The following SIAH2 variants were observed in gnomAD, a reference collection of about 807,000 sequenced individuals.
SIAH2 encodes the protein E3 ubiquitin-protein ligase SIAH2.
In SIAH2, 4 loss-of-function variants were observed where a neutral mutation model predicts 20.4. That is an observed-to-expected ratio of 0.20 (90% CI 0.10 to 0.45). The LOEUF is 0.45. Among genes scored for constraint, SIAH2 ranks in the 20% least tolerant of loss-of-function variants. The pLI, the probability that SIAH2 is intolerant of heterozygous loss-of-function variation, is 0.99. For synonymous variants in SIAH2, 171 were observed against 192.5 expected, an observed-to-expected ratio of 0.89 and a Z score of 0.93; for missense variants, 259 against 440.3, an observed-to-expected ratio of 0.59 and a Z score of 3.69.
intron 1 of SIAH2, among the ~76,000 whole-genome samples, chr3:150,753,011 A>G (rs565134185): frequency 1.6e-4 from 24 of 152,352 alleles, no homozygotes; most frequent in African/African-American, 5.5e-4. Flanking sequence ...ATCCTTCACA[A>G]GCAACTTTGC....
chr3:150,749,606 G>A (rs1255852237), intron 1 of SIAH2, among the ~76,000 whole-genome samples: 1 of 152,166 alleles, frequency 6.6e-6, no homozygotes, highest in African/African-American at 2.4e-5. Context: ...TTGGTTGAAT[G>A]AATTAAGTTT....
intron 1 of SIAH2, among the ~76,000 whole-genome samples, chr3:150,753,320 G>A (rs1312327720): frequency 7.9e-5 from 12 of 152,246 alleles, no homozygotes; most frequent in Non-Finnish European, 1.0e-4. Flanking sequence ...TGAGTATGAT[G>A]TAAAGTTGGT....
chr3:150,751,011 A>T (rs1162318866), intron 1 of SIAH2, among the ~76,000 whole-genome samples: 1 of 152,166 alleles, frequency 6.6e-6, no homozygotes, highest in Non-Finnish European at 1.5e-5. Flanking sequence ...GAGAAAGTGA[A>T]ATCTGTTCTT....
chr3:150,760,725 G>A, intron 1 of SIAH2, among the ~76,000 whole-genome samples: 1 of 152,230 alleles, frequency 6.6e-6, no homozygotes, highest in Non-Finnish European at 1.5e-5. Context: ...TTAAGGGAAA[G>A]TAAAGGGGTG....
At chr3:150,747,491 G>A (rs536323245) in intron 1 of SIAH2, among the ~76,000 whole-genome samples, 2 of 152,338 alleles carry the variant, frequency 1.3e-5, no homozygotes, top group South Asian at 4.1e-4. Context: ...GGGCTGGTTC[G>A]CAGAGGGCTG....
chr3:150,742,294 C>T lies in SIAH2; in HGVS notation c.822G>A (p.Leu274=). The change falls in exon 2 of 2, where the codon TTG becomes TTA. Residue 274 remains leucine (L), a synonymous_variant. Transcript: ENST00000312960. The surrounding 1 kb of genome is among the most constrained non-coding windows in gnomAD (Gnocchi z 4.8). ...TCGAACGGGGCGTGGCCTCCCAGGT[C>T]AATCTCCGCCGGTTCCCATTCAACT... The part of the protein sequence containing the change: ...RLELNGNRRR[L]TWEATPRSIH... 1 of 1,614,192 alleles carries T rather than the reference C, an allele frequency of 6.2e-7. No homozygotes were observed. Among genetic ancestry groups the T allele is most frequent in the Non-Finnish European group, 8.5e-7 (1 of 1,180,026 alleles).
At chr3:150,760,577 TC>T (rs1477426053) in intron 1 of SIAH2, among the ~76,000 whole-genome samples, 5 of 152,244 alleles carry the variant, frequency 3.3e-5, no homozygotes, top group African/African-American at 4.8e-5. Context: ...ACTGTTTCCT[TC>T]CCTTTCTCTT....
chr3:150,746,450 C>T (rs1714214798), intron 1 of SIAH2, among the ~76,000 whole-genome samples: 1 of 152,024 alleles, frequency 6.6e-6, no homozygotes, highest in Non-Finnish European at 1.5e-5. Context: ...AGGTGAGGGA[C>T]CTTCCTGACA....
chr3:150,746,270 C>T lies in SIAH2; in HGVS notation c.418-3572G>A, dbSNP rs1293085345. On this transcript the variant is annotated intron_variant, in intron 1 of 1. Coordinates refer to ENST00000312960, the MANE Select transcript of SIAH2 (RefSeq NM_005067.7). ...AATTAGCTGGGTGTGGTGGCATGCA[C>T]CTGTAATCCCAGCTACTAGGAAGGC... 2.0e-5 allele frequency among the ~76,000 whole-genome samples: 3 copies of T among 152,042 alleles called. No homozygotes were observed. The East Asian group carries it at 5.8e-4, about 29-fold the overall frequency.
chr3:150,755,636 GCCTC>G (rs1714471253), intron 1 of SIAH2, among the ~76,000 whole-genome samples: 2 of 152,096 alleles, frequency 1.3e-5, no homozygotes, highest in South Asian at 2.1e-4. Context: ...CTGCCTCTCA[GCCTC>G]CCAAGTAGCT....
intron 1 of SIAH2, among the ~76,000 whole-genome samples, chr3:150,758,096 G>C (rs915298007): frequency 8.5e-5 from 13 of 152,316 alleles, no homozygotes; most frequent in Middle Eastern, 3.4e-3. Flanking sequence ...CACTGAACTA[G>C]ATGAGGCCAA....
intron 1 of SIAH2, among the ~76,000 whole-genome samples, chr3:150,747,490 C>T (rs1167559384): frequency 6.6e-5 from 10 of 152,202 alleles, no homozygotes; most frequent in African/African-American, 9.7e-5. Context: ...TGGGCTGGTT[C>T]GCAGAGGGCT....
In SIAH2 at chr3:150,762,352, C is replaced by A; in HGVS notation, c.417+81G>T. On this transcript the variant is annotated intron_variant, in intron 1 of 1. Transcript: ENST00000312960. The surrounding 1 kb of genome is among the most constrained non-coding windows in gnomAD (Gnocchi z 6.6). ...TTTAAATGAGAGATGCCGCCCGCCT[C>A]TCCGGGCCTGCGAGTGGGCTGGCGG... 1 of 1,516,908 alleles carries A rather than the reference C, an allele frequency of 6.6e-7. No individual in the cohort carries two copies. Among genetic ancestry groups the A allele is most frequent in the Non-Finnish European group, 8.8e-7 (1 of 1,136,282 alleles). 94.0% of individuals were successfully genotyped at this position (1,516,908 alleles called of 1,614,324 possible).
chr3:150,756,717 A>G (rs1291727550), intron 1 of SIAH2, among the ~76,000 whole-genome samples: 1 of 152,238 alleles, frequency 6.6e-6, no homozygotes, highest in African/African-American at 2.4e-5. Context: ...ACTGCCATAT[A>G]GTATTCTAAT....
intron 1 of SIAH2, among the ~76,000 whole-genome samples, chr3:150,755,705 CAG>C (rs1390916530): frequency 6.6e-6 from 1 of 151,282 alleles, no homozygotes; most frequent in Admixed American, 6.6e-5. Flanking sequence ...TTAGTAGAGA[CAG>C]GGTTACTCCA....
At position 150,762,305 on chromosome 3, in the gene SIAH2, TA is replaced by T; in HGVS notation, c.417+127del. The T allele has an allele frequency of 1.4e-6, 2 of 1,471,646 alleles. No individual in the cohort carries two copies. The highest frequency in any genetic ancestry group is 1.8e-6 in the Non-Finnish European group (2 of 1,119,842). The allele number at this position is 1,471,646 out of a possible 1,614,324, so 91.2% of individuals were successfully genotyped here. A position where few individuals can be genotyped will look rare whatever the true frequency, so the allele number is the denominator to read the frequency against. On this transcript the variant is annotated intron_variant, in intron 1 of 1. Coordinates refer to ENST00000312960, the MANE Select transcript of SIAH2 (RefSeq NM_005067.7). This position sits in a 1 kb window ranked among gnomAD's most constrained non-coding sequence, Gnocchi z 6.6. ...GGCTTGAGGGAGGGTGGACGAAGTG[TA>T]AACATTTTTTCTTTTTTTTTTTTAA...
rs1026040250 is a variant in SIAH2, at chr3:150,742,943, C to T, written c.418-245G>A. ...ACGCTGTTTTCCATGCCCCCTGTTCCGCTGTCAAAGGGATCAGAACTAAAG... is the reference window on the plus strand; with the variant it reads ...ACGCTGTTTTCCATGCCCCCTGTTCTGCTGTCAAAGGGATCAGAACTAAAG... On this transcript the variant is annotated intron_variant, in intron 1 of 1. Transcript: ENST00000312960. The surrounding 1 kb of genome is among the most constrained non-coding windows in gnomAD (Gnocchi z 4.8). Among the ~76,000 whole-genome samples the T allele has an allele frequency of 2.6e-5, 4 of 152,154 alleles. No individual in the cohort carries two copies. The highest frequency in any genetic ancestry group is 6.5e-5 in the Admixed American group (1 of 15,270).
At chr3:150,760,111 C>G (rs1241123408) in intron 1 of SIAH2, among the ~76,000 whole-genome samples, 1 of 152,124 alleles carries the variant, frequency 6.6e-6, no homozygotes, top group Non-Finnish European at 1.5e-5. Flanking sequence ...GTTTCTCATC[C>G]TCTACAACTA....
intron 1 of SIAH2, among the ~76,000 whole-genome samples, chr3:150,750,460 G>T (rs769835622): frequency 6.6e-6 from 1 of 152,170 alleles, no homozygotes; most frequent in Non-Finnish European, 1.5e-5. Context: ...AAAATCAATA[G>T]ATTTTGAGAT....
Sources: allele counts gnomAD v4.1 joint callset (sites outside exome capture counted in the v4.1 genomes callset), GRCh38; gene constraint gnomAD v4.1.1; non-coding constraint Gnocchi (gnomAD v3.1); transcripts MANE v1.5; gene names NCBI Gene and HGNC (gene_info 2026-07-23, HGNC 2026-07-21).